TRHDE: variants seen among roughly 807,000 people sequenced by gnomAD.
The protein encoded by TRHDE is thyrotropin releasing hormone degrading enzyme, also known as thyrotropin-releasing hormone-degrading ectoenzyme.
TRHDE carries 72 observed loss-of-function variants against 125.7 expected under a neutral mutation model. The observed-to-expected ratio is 0.57, with a 90% CI of 0.47 to 0.70. TRHDE has a LOEUF of 0.70. TRHDE is among the 30% of genes least tolerant of loss of function. TRHDE has a pLI of 0.00. For missense variants in TRHDE, 1,110 were observed against 1,327.1 expected, an observed-to-expected ratio of 0.84 and a Z score of 2.54; for synonymous variants, 509 against 509.1, an observed-to-expected ratio of 1.00 and a Z score of 0.00.
At chr12:72,597,707 GTGTATGTATATATATA>G (rs1464503738) in intron 12 of TRHDE, among the ~76,000 whole-genome samples, 14 of 47,630 alleles carry the variant, frequency 2.9e-4, no homozygotes, top group African/African-American at 2.4e-3. Context: ...ATATGTGTGT[GTGTATGTATATATATA>G]TATATATATA....
intron 1 of TRHDE, among the ~76,000 whole-genome samples, chr12:72,095,740 C>T (rs1592438251): frequency 6.6e-6 from 1 of 152,256 alleles, no homozygotes; most frequent in East Asian, 1.9e-4. Flanking sequence ...TTTGCTAAGA[C>T]TTGTTGTTCC....
intron 12 of TRHDE, among the ~76,000 whole-genome samples, chr12:72,578,647 G>A (rs996247326): frequency 6.6e-6 from 1 of 152,056 alleles, no homozygotes; most frequent in Non-Finnish European, 1.5e-5. Context: ...GTTTATTACT[G>A]CTGTCTACCC....
At chr12:72,650,016 TCC>T in intron 15 of TRHDE, among the ~76,000 whole-genome samples, 1 of 152,160 alleles carries the variant, frequency 6.6e-6, no homozygotes, top group African/African-American at 2.4e-5. Flanking sequence ...TAATCCAGCA[TCC>T]CATTTGTAGA....
chr12:72,421,278 A>G (rs1420703564), intron 3 of TRHDE, among the ~76,000 whole-genome samples: 1 of 152,098 alleles, frequency 6.6e-6, no homozygotes, highest in East Asian at 1.9e-4. Flanking sequence ...GGGAGATCCT[A>G]GGGCTGGAGG....
intron 7 of TRHDE, among the ~76,000 whole-genome samples, chr12:72,554,569 G>A (rs988526752): frequency 2.0e-5 from 3 of 152,162 alleles, no homozygotes; most frequent in African/African-American, 7.2e-5. Flanking sequence ...GGAACTCTGT[G>A]TACATGCCTG....
Position 72,663,196 on chromosome 12 carries a change from T to G in TRHDE, c.*1T>G, listed in dbSNP as rs779548189. ...GTTAGGAAAAGCTCTAAGACACTAATATATGTATCTTATAAACAAACAATT... is the reference window on the plus strand; with the variant it reads ...GTTAGGAAAAGCTCTAAGACACTAAGATATGTATCTTATAAACAAACAATT... On this transcript the variant is annotated 3_prime_UTR_variant, in exon 19 of 19. Transcript: ENST00000261180. The G allele has an allele frequency of 5.0e-6, 8 of 1,595,818 alleles. No homozygotes were observed. The highest frequency in any genetic ancestry group is 6.0e-6 in the Non-Finnish European group (7 of 1,172,080).
In TRHDE at chr12:72,157,614, T is replaced by C. The variant is rs114821003; in HGVS notation, n.279+51862T>C. 1.2e-3 allele frequency among the ~76,000 whole-genome samples: 182 copies of C among 152,292 alleles called. 1 individual carries two copies. Among genetic ancestry groups the C allele is most frequent in the African/African-American group, 4.0e-3 (168 of 41,552 alleles). On this transcript the variant is annotated intron_variant and non_coding_transcript_variant, in intron 2 of 4. Transcript: ENST00000548156. ...CAAGTAAGATTCCAATAGTTTGACC[T>C]TATATACCTGGTGAATGGTGGTGCT...
intron 12 of TRHDE, among the ~76,000 whole-genome samples, chr12:72,587,044 A>T (rs1871470111): frequency 6.6e-6 from 1 of 152,146 alleles, no homozygotes; most frequent in South Asian, 2.1e-4. Context: ...GTGCAAATAT[A>T]AAAAAGTTAA....
rs1555170282 is a variant in TRHDE, at chr12:72,238,362, T to TACAC, written n.279+132612_279+132615dup. On this transcript the variant is annotated intron_variant and non_coding_transcript_variant, in intron 2 of 4. Coordinates refer to the TRHDE transcript ENST00000548156. ...CATTATATATATATATATATATATA[T>TACAC]ACACATACATATATATATATTTTTT... Among the ~76,000 whole-genome samples the TACAC allele has an allele frequency of 5.7e-4, 45 of 78,480 alleles. 4 individuals are homozygous for TACAC. The highest frequency in any genetic ancestry group is 7.9e-4 in the Non-Finnish European group (29 of 36,856). The allele number at this position is 78,480 out of a possible 152,430, so 51.5% of individuals were successfully genotyped here.
intron 15 of TRHDE, among the ~76,000 whole-genome samples, chr12:72,651,147 G>A (rs908156199): frequency 3.3e-5 from 5 of 152,072 alleles, no homozygotes; most frequent in Non-Finnish European, 4.4e-5. Flanking sequence ...CAAAATTAAA[G>A]TAACGTTTCT....
intron 2 of TRHDE, among the ~76,000 whole-genome samples, chr12:72,131,593 T>C (rs1194768994): frequency 2.0e-5 from 3 of 152,184 alleles, no homozygotes; most frequent in African/African-American, 7.2e-5. Context: ...CATGAAATGA[T>C]TGGATTGTTT....
chr12:72,350,718 C>G (rs573031558), intron 2 of TRHDE, among the ~76,000 whole-genome samples: 116 of 152,000 alleles, frequency 7.6e-4, no homozygotes, highest in Non-Finnish European at 1.1e-3. Context: ...CAGATATATT[C>G]TAAAGATTAA....
chr12:72,625,213 A>G (rs566844588), intron 15 of TRHDE, among the ~76,000 whole-genome samples: 23 of 152,010 alleles, frequency 1.5e-4, no homozygotes, highest in Non-Finnish European at 2.9e-4. Context: ...CAGAAGTTAA[A>G]TATGTATCAT....
In TRHDE at chr12:72,102,406, C is replaced by T. The variant is rs551099189; in HGVS notation, n.175-3242C>T. ...AGGACACAGAGAAATGCCAGGAATT[C>T]GATAGGTTCATTGAATACTCAAATA... On this transcript the variant is annotated intron_variant and non_coding_transcript_variant, in intron 1 of 4. Transcript: ENST00000548156. 1.6e-4 allele frequency among the ~76,000 whole-genome samples: 25 copies of T among 152,244 alleles called. No homozygotes were observed. In the South Asian group the frequency reaches 4.8e-3, roughly 29 times the overall value.
At chr12:72,212,378 A>C (rs1208794272) in intron 2 of TRHDE, among the ~76,000 whole-genome samples, 16 of 152,140 alleles carry the variant, frequency 1.1e-4, no homozygotes, top group Admixed American at 9.8e-4. Flanking sequence ...ATTGAACTTC[A>C]TTCAAAGTGA....
At chr12:72,439,284 G>T (rs188565060) in intron 3 of TRHDE, among the ~76,000 whole-genome samples, 4 of 151,488 alleles carry the variant, frequency 2.6e-5, no homozygotes, top group Non-Finnish European at 5.9e-5. Context: ...GCTATTCAGG[G>T]TCTTTTTGGT....
chr12:72,589,565 T>C (rs1205943067), intron 12 of TRHDE, among the ~76,000 whole-genome samples: 1 of 152,142 alleles, frequency 6.6e-6, no homozygotes, highest in Non-Finnish European at 1.5e-5. Flanking sequence ...AAATTCTCTG[T>C]ATGGGAAGGT....
intron 3 of TRHDE, among the ~76,000 whole-genome samples, chr12:72,396,231 G>A (rs866201061): frequency 6.6e-6 from 1 of 152,092 alleles, no homozygotes; most frequent in African/African-American, 2.4e-5. Context: ...GATCTTGATT[G>A]CCCCTTTAGC....
intron 7 of TRHDE, among the ~76,000 whole-genome samples, chr12:72,554,363 C>T (rs945922793): frequency 6.6e-6 from 1 of 152,046 alleles, no homozygotes; most frequent in Non-Finnish European, 1.5e-5. Flanking sequence ...GTAAGCACTA[C>T]ATTATGTACA....
Sources: gnomAD v4.1 joint callset for allele counts (sites outside exome capture counted in the v4.1 genomes callset) on GRCh38, gnomAD v4.1.1 for gene constraint, MANE v1.5 for transcripts, NCBI Gene and HGNC (gene_info 2026-07-23, HGNC 2026-07-21) for gene names.